DCAF4: variants seen among roughly 807,000 people sequenced by gnomAD.
The protein encoded by DCAF4 is DDB1- and CUL4-associated factor 4.
A neutral mutation model predicts 60.9 loss-of-function variants in DCAF4; 37 were observed. That is an observed-to-expected ratio of 0.61 (90% CI 0.47 to 0.80). The LOEUF is 0.80. Ranked by LOEUF, DCAF4 falls within the 30% of genes least tolerant of loss-of-function variation. The pLI is 0.00. For synonymous variants in DCAF4, 243 were observed against 254.8 expected, an observed-to-expected ratio of 0.95 and a Z score of 0.44; for missense variants, 577 against 650.0, an observed-to-expected ratio of 0.89 and a Z score of 1.22.
rs75298001 is a variant in DCAF4, at chr14:72,959,130, C to T, written c.*325C>T. The T allele has an allele frequency of 2.7e-5, 28 of 1,027,780 alleles. No homozygotes were observed. The East Asian group carries it at 1.9e-3, about 70-fold the overall frequency. 63.7% of individuals were successfully genotyped at this position (1,027,780 alleles called of 1,614,324 possible). Reference sequence around the variant, plus strand: ...TCTAAGGACTGAAGATTGGCAAAAACGAAAAGCTTCTTCCTCCAAGAGCCC... The same window carrying T: ...TCTAAGGACTGAAGATTGGCAAAAATGAAAAGCTTCTTCCTCCAAGAGCCC... On this transcript the variant is annotated 3_prime_UTR_variant, in exon 14 of 14. Coordinates refer to ENST00000358377, the MANE Select transcript of DCAF4 (RefSeq NM_015604.4).
chr14:72,951,614 A>C (rs1891424073), intron 8 of DCAF4, among the ~76,000 whole-genome samples, 184 bp from the exon 9 acceptor site: 2 of 152,154 alleles, frequency 1.3e-5, no homozygotes, highest in South Asian at 4.1e-4. Flanking sequence ...TCCGTCTCAA[A>C]AACAAACAAA....
In DCAF4 at chr14:72,932,556, G is replaced by T. The variant is rs1203282055; in HGVS notation, c.-8-5415G>T. Among the ~76,000 whole-genome samples, 5 of 152,158 alleles carry T rather than the reference G, an allele frequency of 3.3e-5. No homozygotes were observed. The South Asian group carries it at 8.3e-4, about 25-fold the overall frequency. On this transcript the variant is annotated intron_variant, in intron 1 of 13. Transcript: ENST00000358377. ...GAAATTATAATTCTTAATGCCTTGA[G>T]GTACTTAAAAGTTTCTCTGAAAGAC...
chr14:72,940,587 A>ATTT, intron 4 of DCAF4: 33 of 337,400 alleles, frequency 9.8e-5, no homozygotes, highest in East Asian at 1.8e-4. Context: ...TTGTTCGATA[A>ATTT]GTTGTTTTTT....
At chr14:72,934,981 T>C (rs1479593634) in intron 1 of DCAF4, 1 of 152,142 alleles carries the variant, frequency 6.6e-6, no homozygotes, top group East Asian at 1.9e-4. Flanking sequence ...TCATGGATGC[T>C]AGGAATAGAA....
chr14:72,926,516 G>A lies in DCAF4; in HGVS notation c.-36G>A, dbSNP rs1887564743. ...CAACTCCTGCAGAGCTGAGCCGGAG[G>A]GGAATCCGGAAGGGACACGCTGAAC... On this transcript the variant is annotated 5_prime_UTR_variant, in exon 1 of 14. Transcript: ENST00000358377. 6.6e-6 allele frequency: 1 copy of A among 152,382 alleles called. No homozygotes were observed. The highest frequency in any genetic ancestry group is 2.4e-5 in the African/African-American group (1 of 41,472). 9.4% of individuals were successfully genotyped at this position (152,382 alleles called of 1,614,324 possible).
chr14:72,959,056 C>T lies in DCAF4; in HGVS notation c.*251C>T, dbSNP rs1193241069. 2 of 1,189,490 alleles carry T rather than the reference C, an allele frequency of 1.7e-6. No individual in the cohort carries two copies. The highest frequency in any genetic ancestry group is 2.1e-6 in the Non-Finnish European group (2 of 959,998). 73.7% of individuals were successfully genotyped at this position (1,189,490 alleles called of 1,614,324 possible). On this transcript the variant is annotated 3_prime_UTR_variant, in exon 14 of 14. Coordinates refer to ENST00000358377, the MANE Select transcript of DCAF4 (RefSeq NM_015604.4). ...ACCTCTTTCCTTTTCTTATTGAATT[C>T]TTAGAACTTAGTTAACCCTCCCTGC...
chr14:72,929,621 C>T, intron 1 of DCAF4: 2 of 1,207,106 alleles, frequency 1.7e-6, no homozygotes, highest in Non-Finnish European at 2.4e-6. Context: ...CTCAGTCTTT[C>T]TTGGCAGCGG....
At chr14:72,952,852 G>A (rs1321761433) in intron 9 of DCAF4, among the ~76,000 whole-genome samples, 8 of 145,278 alleles carry the variant, frequency 5.5e-5, no homozygotes, top group East Asian at 4.2e-4. Context: ...ACACCACCAC[G>A]CCCGGCTAAT....
Position 72,954,242 on chromosome 14 carries a change from C to T in DCAF4, c.887C>T (p.Ala296Val). Residue 296 changes from alanine (A) to valine (V), a missense_variant, in exon 10 of 14, where the codon GCA becomes GTA. Ala to Val is a moderately conservative substitution (Grantham distance 64, BLOSUM62 0). Transcript: ENST00000358377. ...TGTGCCTGGTCCCTGAATATCCAAGCAAATAACTGCTTCAGTACAGGTGAG... is the reference window on the plus strand; with the variant it reads ...TGTGCCTGGTCCCTGAATATCCAAGTAAATAACTGCTTCAGTACAGGTGAG... ...WSCAWSLNIQ[A>V]NNCFSTGLSR... 6.2e-7 allele frequency: 1 copy of T among 1,614,200 alleles called. No homozygotes were observed. The highest frequency in any genetic ancestry group is 8.5e-7 in the Non-Finnish European group (1 of 1,180,034).
At chr14:72,947,820 T>C (rs751589114) in intron 8 of DCAF4, among the ~76,000 whole-genome samples, 3 of 152,176 alleles carry the variant, frequency 2.0e-5, no homozygotes, top group Non-Finnish European at 4.4e-5. Flanking sequence ...CACACTAGTC[T>C]CTGCCTTCCC....
At position 72,943,046 on chromosome 14, in the gene DCAF4, C is replaced by T. The variant is rs1424865442; in HGVS notation, c.484C>T (p.Arg162Ter). 3 of 1,614,210 alleles carry T rather than the reference C, an allele frequency of 1.9e-6. No individual in the cohort carries two copies. The highest frequency in any genetic ancestry group is 3.3e-5 in the Admixed American group (2 of 60,020). Residue 162 changes from arginine (R) to a stop codon, truncating the protein, a stop_gained, in exon 6 of 14, where the codon CGA (arginine) becomes TGA (stop). Coordinates refer to ENST00000358377, the MANE Select transcript of DCAF4 (RefSeq NM_015604.4). LOFTEE classifies it high-confidence loss of function. ...SCMERKKVQI[R>*]SMDPSALASD... ...CATGGAGAGGAAAAAGGTCCAGATT[C>T]GAAGCATGGATCCCTCCGCCTTGGC... is the stretch of plus-strand genomic sequence containing the variant.
chr14:72,940,871 G>A (rs987780983), intron 4 of DCAF4, among the ~76,000 whole-genome samples: 3 of 151,214 alleles, frequency 2.0e-5, no homozygotes, highest in Non-Finnish European at 2.9e-5. Flanking sequence ...GATTACAGGC[G>A]TGAGCCACCA....
intron 13 of DCAF4, chr14:72,956,936 G>A (rs891097341): frequency 9.8e-5 from 21 of 214,554 alleles, no homozygotes; most frequent in African/African-American, 4.5e-4. Flanking sequence ...GCCCCGGCCC[G>A]GCGCGGTGGC....
intron 13 of DCAF4, 86 bp downstream of exon 13, chr14:72,956,586 A>C (rs1594808068): frequency 7.6e-7 from 1 of 1,323,020 alleles, no homozygotes; most frequent in African/African-American, 1.5e-5. Context: ...CAGAGGGAAA[A>C]GTTACCCCAA....
intron 1 of DCAF4, chr14:72,935,261 A>ATTT (rs34981002): frequency 0.92 from 136,765 of 148,614 alleles, 63,194 homozygotes; most frequent in South Asian, 0.98. Context: ...TTTTTAAATG[A>ATTT]TTTTTTTTTT....
chr14:72,930,010 T>A, intron 1 of DCAF4: 1 of 598,780 alleles, frequency 1.7e-6, no homozygotes, highest in Non-Finnish European at 2.9e-6. Context: ...CTCGTGCCTG[T>A]AATTCCGGCT....
chr14:72,933,197 C>G (rs895365917), intron 1 of DCAF4, among the ~76,000 whole-genome samples: 1 of 152,192 alleles, frequency 6.6e-6, no homozygotes, highest in Admixed American at 6.5e-5. Context: ...TGCCAGATGT[C>G]CCCTGGTGGG....
chr14:72,947,899 C>T (rs1341667171), intron 8 of DCAF4, among the ~76,000 whole-genome samples: 1 of 152,076 alleles, frequency 6.6e-6, no homozygotes, highest in Non-Finnish European at 1.5e-5. Context: ...CCTCTGGGAC[C>T]CTTGGGGGCT....
At chr14:72,930,923 G>A (rs1888487303) in intron 1 of DCAF4, among the ~76,000 whole-genome samples, 1 of 152,086 alleles carries the variant, frequency 6.6e-6, no homozygotes, top group East Asian at 1.9e-4. Flanking sequence ...CCATAGATAG[G>A]CATATGGGTT....
Sources: gnomAD v4.1 joint callset for allele counts (sites outside exome capture counted in the v4.1 genomes callset) on GRCh38, gnomAD v4.1.1 for gene constraint, MANE v1.5 for transcripts, NCBI Gene and HGNC (gene_info 2026-07-23, HGNC 2026-07-21) for gene names.